Variants in GALNT13 observed in about 807,000 individuals in gnomAD.
The protein encoded by GALNT13 is polypeptide N-acetylgalactosaminyltransferase 13, also known as UDP-GalNAc:polypeptide N-acetylgalactosaminyltransferase 13.
Under a neutral mutation model 64.2 loss-of-function variants are expected in GALNT13, and 28 were observed. That is an observed-to-expected ratio of 0.44 (90% CI 0.32 to 0.60). GALNT13 has a LOEUF of 0.60. Ranked by LOEUF, GALNT13 falls within the 20% of genes least tolerant of loss-of-function variation. The pLI is 0.05. For missense variants in GALNT13, 577 were observed against 669.8 expected, an observed-to-expected ratio of 0.86 and a Z score of 1.53; for synonymous variants, 214 against 224.6, an observed-to-expected ratio of 0.95 and a Z score of 0.42.
chr2:154,154,336 G>A (rs1245551417), intron 4 of GALNT13, among the ~76,000 whole-genome samples: 1 of 152,180 alleles, frequency 6.6e-6, no homozygotes, highest in Non-Finnish European at 1.5e-5. Context: ...GCCTGTGAGA[G>A]GAGAAAACAA....
chr2:153,848,438 A>G, the GALNT13 span, among the ~76,000 whole-genome samples: 16 of 152,222 alleles, frequency 1.1e-4, no homozygotes, highest in African/African-American at 3.6e-4. Flanking sequence ...AGTCATAAAA[A>G]TAACAGTAAA....
intron 9 of GALNT13, among the ~76,000 whole-genome samples, chr2:154,385,411 C>T (rs766561321): frequency 1.3e-5 from 2 of 151,692 alleles, no homozygotes; most frequent in African/African-American, 2.4e-5. Context: ...AAAATATTTC[C>T]CTTTATAGGT....
At chr2:153,863,514 A>C in the GALNT13 span, among the ~76,000 whole-genome samples, 1 of 152,232 alleles carries the variant, frequency 6.6e-6, no homozygotes, top group African/African-American at 2.4e-5. Flanking sequence ...AATGCTGCAT[A>C]TAAGAGGGAG....
the GALNT13 span, among the ~76,000 whole-genome samples, chr2:153,316,639 C>CGAAAAAAAAAAAA: frequency 1.4e-5 from 1 of 69,842 alleles, no homozygotes; most frequent in Non-Finnish European, 2.6e-5. Context: ...GACTCCGTCT[C>CGAAAAAAAAAAAA]AAAAAAAAAA....
chr2:153,616,833 A>G, the GALNT13 span, among the ~76,000 whole-genome samples: 2 of 152,018 alleles, frequency 1.3e-5, no homozygotes, highest in Non-Finnish European at 2.9e-5. Flanking sequence ...TGGAGTCTTT[A>G]GATTTTTCCA....
chr2:154,171,971 T>TAC (rs57343446), intron 4 of GALNT13, among the ~76,000 whole-genome samples: 15,372 of 144,178 alleles, frequency 0.11, 1,511 homozygotes, highest in East Asian at 0.58. Context: ...TTCTTTCTCA[T>TAC]ACACACACAC....
At chr2:153,297,633 GGATGAGCT>G in the GALNT13 span, among the ~76,000 whole-genome samples, 2 of 152,120 alleles carry the variant, frequency 1.3e-5, no homozygotes, top group African/African-American at 2.4e-5. Context: ...TAATGTACAA[GGATGAGCT>G]GACTGATTTG....
chr2:153,386,310 G>T, the GALNT13 span, among the ~76,000 whole-genome samples: 1 of 152,000 alleles, frequency 6.6e-6, no homozygotes, highest in African/African-American at 2.4e-5. Context: ...TACATTAAAA[G>T]GAATGAGCAA....
chr2:153,947,643 CTGT>C (rs1691866183), intron 3 of GALNT13, among the ~76,000 whole-genome samples: 1 of 151,888 alleles, frequency 6.6e-6, no homozygotes. Flanking sequence ...TCTGTTTACT[CTGT>C]TGTTAGTTTC....
chr2:154,114,447 T>C (rs544269945), intron 3 of GALNT13, among the ~76,000 whole-genome samples: 1 of 152,274 alleles, frequency 6.6e-6, no homozygotes, highest in East Asian at 1.9e-4. Flanking sequence ...ACGTTTTGTG[T>C]CCTCTGGAAT....
the GALNT13 span, among the ~76,000 whole-genome samples, chr2:153,290,769 A>G: frequency 1.3e-5 from 2 of 152,172 alleles, no homozygotes; most frequent in African/African-American, 2.4e-5. Flanking sequence ...TGTTTTGATA[A>G]TTTCTTTAGT....
the GALNT13 span, chr2:153,446,740 G>A: frequency 1.3e-5 from 2 of 151,990 alleles, no homozygotes; most frequent in African/African-American, 2.4e-5. Context: ...CTCTGGATTC[G>A]AACCCAGTAA....
At chr2:153,487,125 G>C in the GALNT13 span, among the ~76,000 whole-genome samples, 1 of 152,136 alleles carries the variant, frequency 6.6e-6, no homozygotes. Flanking sequence ...GGAGGAAAAC[G>C]AAATCTCTAC....
chr2:153,312,565 T>C, the GALNT13 span, among the ~76,000 whole-genome samples: 1 of 152,346 alleles, frequency 6.6e-6, no homozygotes, highest in Non-Finnish European at 1.5e-5. Flanking sequence ...TTAATAGGTT[T>C]TTCAACTGTG....
the GALNT13 span, among the ~76,000 whole-genome samples, chr2:153,632,921 T>G: frequency 1.3e-5 from 2 of 151,970 alleles, no homozygotes; most frequent in African/African-American, 4.8e-5. Context: ...CCCAGCTAAT[T>G]TTTTTGGCAC....
In GALNT13 at chr2:154,088,644, G is replaced by T. The variant is rs185016201; in HGVS notation, c.143-51693G>T. On this transcript the variant is annotated intron_variant, in intron 3 of 12. Transcript: ENST00000392825. ...TTTTTTGTATTTTTAGTAGAGATGGGGTTTCCCCACATTGGCCATGCTGGT... is the reference window on the plus strand; with the variant it reads ...TTTTTTGTATTTTTAGTAGAGATGGTGTTTCCCCACATTGGCCATGCTGGT... Among the ~76,000 whole-genome samples, 10 of 152,154 alleles carry T rather than the reference G, an allele frequency of 6.6e-5. No individual in the cohort carries two copies. In the East Asian group the frequency reaches 1.9e-3, roughly 30 times the overall value.
chr2:154,109,741 T>G (rs1055056976), intron 3 of GALNT13, among the ~76,000 whole-genome samples: 1 of 152,188 alleles, frequency 6.6e-6, no homozygotes, highest in Non-Finnish European at 1.5e-5. Context: ...AATCATATGG[T>G]TTTTGTTCTT....
chr2:153,229,880 G>A, the GALNT13 span, among the ~76,000 whole-genome samples: 1 of 152,216 alleles, frequency 6.6e-6, no homozygotes, highest in African/African-American at 2.4e-5. Context: ...AGGGAAGAGA[G>A]CAGAGAACAT....
chr2:153,909,253 T>A (rs1688785345), intron 2 of GALNT13, among the ~76,000 whole-genome samples: 1 of 151,982 alleles, frequency 6.6e-6, no homozygotes, highest in Non-Finnish European at 1.5e-5. Flanking sequence ...TGCTAGTTTG[T>A]ACAGATTTTG....
Sources: gnomAD v4.1 joint callset for allele counts (sites outside exome capture counted in the v4.1 genomes callset) on GRCh38, gnomAD v4.1.1 for gene constraint, MANE v1.5 for transcripts, NCBI Gene and HGNC (gene_info 2026-07-23, HGNC 2026-07-21) for gene names.